COA8: variants seen among roughly 807,000 people sequenced by gnomAD.
The protein encoded by COA8 is cytochrome c oxidase assembly factor 8.
COA8 carries 20 observed loss-of-function variants against 22.0 expected under a neutral mutation model. That is an observed-to-expected ratio of 0.91 (90% CI 0.64 to 1.32). The LOEUF is 1.32. COA8 is among the 40% of genes most tolerant of loss of function. COA8 has a pLI of 0.00. For missense variants in COA8, 266 were observed against 230.0 expected, an observed-to-expected ratio of 1.16 and a Z score of -1.01; for synonymous variants, 105 against 79.9, an observed-to-expected ratio of 1.31 and a Z score of -1.68.
intron 1 of COA8, among the ~76,000 whole-genome samples, chr14:103,563,648 T>A (rs1361837645): frequency 6.6e-6 from 1 of 152,222 alleles, no homozygotes; most frequent in Non-Finnish European, 1.5e-5. Context: ...AGAATGTCTG[T>A]GGCAAGCAAT....
chr14:103,576,363 C>T (rs1267690770), intron 3 of COA8, among the ~76,000 whole-genome samples: 3 of 152,092 alleles, frequency 2.0e-5, no homozygotes, highest in African/African-American at 7.2e-5. Context: ...ATACATAGTT[C>T]GCAGCTGTAG....
chr14:103,574,204 T>G (rs772783943), intron 3 of COA8, 34 bp downstream of exon 3: 2 of 1,611,996 alleles, frequency 1.2e-6, no homozygotes, highest in Non-Finnish European at 1.7e-6. Context: ...TTTTTTGCTT[T>G]CTTTGCGTTT....
chr14:103,566,574 C>T (rs1470179526), intron 1 of COA8, among the ~76,000 whole-genome samples: 1 of 152,222 alleles, frequency 6.6e-6, no homozygotes, highest in Non-Finnish European at 1.5e-5. Context: ...TGCACAGGTT[C>T]TTCATGAGGT....
At chr14:103,582,684 G>T (rs926724834) in intron 3 of COA8, among the ~76,000 whole-genome samples, 4 of 149,890 alleles carry the variant, frequency 2.7e-5, no homozygotes, top group Non-Finnish European at 5.9e-5. Flanking sequence ...TGAAGAAAAT[G>T]AATTATGCTG....
chr14:103,563,446 T>A, intron 1 of COA8: 1 of 460,246 alleles, frequency 2.2e-6, no homozygotes. Flanking sequence ...AGCTCTTGGC[T>A]TACCGTGCGT....
intron 3 of COA8, among the ~76,000 whole-genome samples, chr14:103,579,766 C>G (rs1178507942): frequency 6.6e-6 from 1 of 151,084 alleles, no homozygotes; most frequent in African/African-American, 2.4e-5. Flanking sequence ...AGTTCGAGAC[C>G]AGCCTGGCCA....
At chr14:103,586,497 CA>C (rs1266115893) in intron 3 of COA8, among the ~76,000 whole-genome samples, 6 of 151,988 alleles carry the variant, frequency 3.9e-5, no homozygotes, top group Admixed American at 1.3e-4. Flanking sequence ...CGTGCACCAC[CA>C]CGCCCAGCTA....
At chr14:103,584,544 A>AC (rs2076291400) in intron 3 of COA8, among the ~76,000 whole-genome samples, 1 of 152,172 alleles carries the variant, frequency 6.6e-6, no homozygotes, top group African/African-American at 2.4e-5. Context: ...CTATAATGCC[A>AC]CGTGGGTCTT....
In COA8 at chr14:103,571,530, C is replaced by A. The variant is rs1241931809; in HGVS notation, c.124-93C>A. 7.8e-6 allele frequency: 10 copies of A among 1,278,866 alleles called. No homozygotes were observed. The African/African-American group carries it at 1.0e-4, about 13-fold the overall frequency. 79.2% of individuals were successfully genotyped at this position (1,278,866 alleles called of 1,614,324 possible). Reference sequence around the variant, plus strand: ...TCCAGTCTGGCAACAGAGCGAGACTCCGTCTCTAAGTAAATAAATAAATCC... The same window carrying A: ...TCCAGTCTGGCAACAGAGCGAGACTACGTCTCTAAGTAAATAAATAAATCC... On this transcript the variant is annotated intron_variant, in intron 1 of 4. Transcript: ENST00000409074.
At chr14:103,563,797 A>G (rs924523351) in intron 1 of COA8, among the ~76,000 whole-genome samples, 2 of 152,266 alleles carry the variant, frequency 1.3e-5, no homozygotes, top group African/African-American at 4.8e-5. Context: ...TGCAAATACC[A>G]AACAGGCTAA....
intron 1 of COA8, 29 bp downstream of exon 1, chr14:103,563,153 G>A (rs1476775636): frequency 2.1e-5 from 33 of 1,539,476 alleles, no homozygotes; most frequent in Non-Finnish European, 2.9e-5. Flanking sequence ...ACATTGGGCC[G>A]GGAGGGGTGA....
intron 3 of COA8, among the ~76,000 whole-genome samples, chr14:103,583,246 AAG>A (rs943738374): frequency 1.3e-4 from 20 of 152,158 alleles, no homozygotes; most frequent in Admixed American, 8.5e-4. Flanking sequence ...CTGCTGAGTT[AAG>A]AGTCTTTTTG....
At chr14:103,580,116 AC>A (rs1211019031) in intron 3 of COA8, among the ~76,000 whole-genome samples, 1 of 152,082 alleles carries the variant, frequency 6.6e-6, no homozygotes, top group Non-Finnish European at 1.5e-5. Flanking sequence ...TTGCTCTGCC[AC>A]TCAGGCTGGA....
chr14:103,571,691 C>T lies in COA8; in HGVS notation c.192C>T (p.Asn64=), dbSNP rs200801272. The change falls in exon 2 of 5, where the codon AAC becomes AAT. Residue 64 remains asparagine (N), a synonymous_variant. Coordinates refer to ENST00000409074, the MANE Select transcript of COA8 (RefSeq NM_001370595.2). ...TAGGACCCCCAGATAAATATTCAAA[C>T]CTTCGACCTGTTCACTTTTACATAC... ...DWIGPPDKYS[N]LRPVHFYIPE... 849 of 1,614,182 alleles carry T rather than the reference C, an allele frequency of 5.3e-4. 2 individuals carry two copies. The highest frequency in any genetic ancestry group is 1.6e-3 in the Middle Eastern group (10 of 6,062).
At chr14:103,577,973 G>A (rs1431609807) in intron 3 of COA8, among the ~76,000 whole-genome samples, 3 of 143,978 alleles carry the variant, frequency 2.1e-5, no homozygotes, top group Non-Finnish European at 3.0e-5. Flanking sequence ...GCACTGAACC[G>A]AGATTGCACC....
At chr14:103,567,992 G>A (rs2076147319) in intron 1 of COA8, among the ~76,000 whole-genome samples, 1 of 152,090 alleles carries the variant, frequency 6.6e-6, no homozygotes, top group Non-Finnish European at 1.5e-5. Context: ...GATCGGGTTT[G>A]CGGATTTGTC....
At chr14:103,578,052 A>G (rs940412087) in intron 3 of COA8, among the ~76,000 whole-genome samples, 11 of 146,116 alleles carry the variant, frequency 7.5e-5, no homozygotes, top group Non-Finnish European at 1.5e-4. Context: ...AAAAAAGCCA[A>G]GTTTGGCAGT....
At chr14:103,567,022 C>A (rs771467936) in intron 1 of COA8, among the ~76,000 whole-genome samples, 1 of 152,192 alleles carries the variant, frequency 6.6e-6, no homozygotes, top group Non-Finnish European at 1.5e-5. Context: ...ATCTTCCTGC[C>A]TCAGCCTCTT....
At chr14:103,576,332 G>T (rs767399410) in intron 3 of COA8, among the ~76,000 whole-genome samples, 7 of 152,162 alleles carry the variant, frequency 4.6e-5, no homozygotes, top group Non-Finnish European at 8.8e-5. Context: ...AAAGTCGATT[G>T]TTTATGGATT....
Sources: allele counts gnomAD v4.1 joint callset (sites outside exome capture counted in the v4.1 genomes callset), GRCh38; gene constraint gnomAD v4.1.1; transcripts MANE v1.5; gene names NCBI Gene and HGNC (gene_info 2026-07-23, HGNC 2026-07-21).